FAM118A: variants seen among roughly 807,000 people sequenced by gnomAD.
The protein encoded by FAM118A is protein FAM118A.
Under a neutral mutation model 38.2 loss-of-function variants are expected in FAM118A, and 25 were observed. That is an observed-to-expected ratio of 0.65 (90% CI 0.48 to 0.91). The LOEUF (loss-of-function observed/expected upper bound fraction) is 0.91, where lower values mean the gene tolerates loss of function less well. Among genes scored for constraint, FAM118A ranks in the 40% least tolerant of loss-of-function variants. The pLI, the probability that FAM118A is intolerant of heterozygous loss-of-function variation, is 0.00. For synonymous variants in FAM118A, 178 were observed against 184.1 expected, an observed-to-expected ratio of 0.97 and a Z score of 0.27; for missense variants, 425 against 463.3, an observed-to-expected ratio of 0.92 and a Z score of 0.76.
At chr22:45,331,349 A>G (rs1012832014) in intron 5 of FAM118A, among the ~76,000 whole-genome samples, 8 of 124,828 alleles carry the variant, frequency 6.4e-5, no homozygotes, top group Admixed American at 6.0e-4. Flanking sequence ...ATAAAAGTAA[A>G]TAACACTTCA....
At chr22:45,324,729 T>C (rs988535417) in intron 3 of FAM118A, among the ~76,000 whole-genome samples, 1 of 152,204 alleles carries the variant, frequency 6.6e-6, no homozygotes, top group African/African-American at 2.4e-5. Flanking sequence ...ACAGAGACTT[T>C]CTGGCCCACA....
rs145435446 is a variant in FAM118A at position 45,339,504 on chromosome 22, T to C, written c.1055-882T>C. ...TGATATTGTTTTGGATCAAACTGTT[T>C]GAAATCTTTTTGCAAATATTTGGAT... On this transcript the variant is annotated intron_variant, in intron 8 of 8. Coordinates refer to ENST00000441876, the MANE Select transcript of FAM118A (RefSeq NM_017911.4). Among the ~76,000 whole-genome samples, 76 of 152,350 alleles carry C rather than the reference T, an allele frequency of 5.0e-4. No homozygotes were observed. In the East Asian group the frequency reaches 0.011, roughly 21 times the overall value.
chr22:45,328,404 G>T, intron 4 of FAM118A: 1 of 1,190,280 alleles, frequency 8.4e-7, no homozygotes, highest in Non-Finnish European at 1.3e-6. Context: ...GTGGGCTGGG[G>T]CTGCGGGCAG....
At position 45,340,522 on chromosome 22, in the gene FAM118A, C is replaced by T. The variant is rs1473846206; in HGVS notation, c.*117C>T. 1.6e-6 allele frequency: 2 copies of T among 1,248,946 alleles called. No individual in the cohort carries two copies. Among genetic ancestry groups the T allele is most frequent in the South Asian group, 1.2e-5 (1 of 82,538 alleles). 77.4% of individuals were successfully genotyped at this position (1,248,946 alleles called of 1,614,324 possible). On this transcript the variant is annotated 3_prime_UTR_variant, in exon 9 of 9. Coordinates refer to ENST00000441876, the MANE Select transcript of FAM118A (RefSeq NM_017911.4). ...TCTCTGATTGCGAAACCGTCACATACACCAAGAGAGCCACATGGGCATGTG... is the reference window on the plus strand; with the variant it reads ...TCTCTGATTGCGAAACCGTCACATATACCAAGAGAGCCACATGGGCATGTG...
chr22:45,338,329 A>G (rs1396009281), intron 8 of FAM118A, among the ~76,000 whole-genome samples: 1 of 152,018 alleles, frequency 6.6e-6, no homozygotes, highest in Non-Finnish European at 1.5e-5. Context: ...TCTTGGATTC[A>G]AGCTGTTTTC....
In FAM118A at chr22:45,340,243, A is replaced by G. The variant is rs889862973; in HGVS notation, c.1055-143A>G. The stretch of plus-strand genomic sequence containing the variant: ...ACAAGGTCATTTCCAGACAGTGGCT[A>G]CTGTTTCCATTGTGGAGGGGTTTTC... On this transcript the variant is annotated intron_variant, in intron 8 of 8. Coordinates refer to ENST00000441876, the MANE Select transcript of FAM118A (RefSeq NM_017911.4). 32 of 833,290 alleles carry G rather than the reference A, an allele frequency of 3.8e-5. No homozygotes were observed. The African/African-American group carries it at 4.1e-4, about 11-fold the overall frequency. The allele number at this position is 833,290 out of a possible 1,614,324, so 51.6% of individuals were successfully genotyped here.
At chr22:45,315,756 G>A (rs2084579644) in intron 1 of FAM118A, among the ~76,000 whole-genome samples, 1 of 151,966 alleles carries the variant, frequency 6.6e-6, no homozygotes, top group Non-Finnish European at 1.5e-5. Context: ...GTTTAGAGAG[G>A]TCTACCTGGC....
chr22:45,337,478 G>A (rs2086188906), intron 8 of FAM118A, among the ~76,000 whole-genome samples: 1 of 152,068 alleles, frequency 6.6e-6, no homozygotes, highest in Non-Finnish European at 1.5e-5. Flanking sequence ...AGACATTTGT[G>A]TTACTTCTTA....
chr22:45,310,972 G>C (rs1443189236), intron 1 of FAM118A, among the ~76,000 whole-genome samples: 2 of 152,196 alleles, frequency 1.3e-5, no homozygotes, highest in Admixed American at 1.3e-4. Flanking sequence ...ACTGGAAATA[G>C]AGATGAGACG....
chr22:45,330,361 C>T (rs762912267), intron 4 of FAM118A: 11 of 259,628 alleles, frequency 4.2e-5, no homozygotes, highest in Admixed American at 1.6e-4. Flanking sequence ...GCATGACTGG[C>T]GCTAACAGCC....
upstream of FAM118A, chr22:45,309,804 C>CGGCGGGGCGGGGCGGGGCGG (rs71190659): frequency 2.1e-4 from 32 of 151,134 alleles, no homozygotes; most frequent in East Asian, 2.0e-3. Flanking sequence ...GAGGATCTGG[C>CGGCGGGGCGGGGCGGGGCGG]GGCGGGGCGG....
chr22:45,315,050 T>TC (rs34137926), intron 1 of FAM118A, among the ~76,000 whole-genome samples: 1 of 152,238 alleles, frequency 6.6e-6, no homozygotes, highest in Admixed American at 6.5e-5. Context: ...CTTAGCATTT[T>TC]CCCTTGAATC....
At position 45,330,726 on chromosome 22, in the gene FAM118A, G is replaced by T. The variant is rs756419631; in HGVS notation, c.646G>T (p.Val216Phe). Reference sequence around the variant, plus strand: ...TAAAGACGTCACTCAAGACGCAGAAGTCATGGTACGGCCCGTCCTAATTAG... The same window carrying T: ...TAAAGACGTCACTCAAGACGCAGAATTCATGGTACGGCCCGTCCTAATTAG... ...GYKDVTQDAE[V>F]MEVLQNLYRT... The change falls in exon 5 of 9, where the codon GTC becomes TTC. Residue 216 changes from valine to phenylalanine, a missense_variant. Physicochemically the swap from Val to Phe is conservative, Grantham distance 50. Coordinates refer to ENST00000441876, the MANE Select transcript of FAM118A (RefSeq NM_017911.4). 6.4e-7 allele frequency: 1 copy of T among 1,570,438 alleles called. No homozygotes were observed. The highest frequency in any genetic ancestry group is 1.2e-5 in the South Asian group (1 of 84,596).
At chr22:45,325,986 T>G (rs2085237932) in intron 3 of FAM118A, among the ~76,000 whole-genome samples, 1 of 151,664 alleles carries the variant, frequency 6.6e-6, no homozygotes, top group African/African-American at 2.4e-5. Flanking sequence ...AGGGTTTGGG[T>G]GGTGGGAGAG....
intron 4 of FAM118A, chr22:45,330,354 T>C (rs2085615527): frequency 4.0e-6 from 1 of 250,646 alleles, no homozygotes; most frequent in Non-Finnish European, 7.5e-6. Context: ...GGGACCAGCA[T>C]GACTGGCGCT....
rs1489111062 is a variant in FAM118A, at chr22:45,336,426, C to A, written c.1054+15C>A. 1.2e-6 allele frequency: 2 copies of A among 1,605,364 alleles called. No homozygotes were observed. The highest frequency in any genetic ancestry group is 1.1e-5 in the South Asian group (1 of 90,782). Reference sequence around the variant, plus strand: ...ATCAGATACTGGTATTGTGTCTGTTCTTTTTGTGGGGAGCTGCCTCGGGTC... The same window carrying A: ...ATCAGATACTGGTATTGTGTCTGTTATTTTTGTGGGGAGCTGCCTCGGGTC... On this transcript the variant is annotated intron_variant, in intron 8 of 8. Coordinates refer to ENST00000441876, the MANE Select transcript of FAM118A (RefSeq NM_017911.4).
intron 1 of FAM118A, chr22:45,319,037 C>T (rs2084734465): frequency 6.6e-6 from 1 of 152,146 alleles, no homozygotes; most frequent in East Asian, 1.9e-4. Context: ...TTAAATATAG[C>T]CTGCAAAAGT....
At chr22:45,310,776 T>G (rs1382288342) in intron 1 of FAM118A, among the ~76,000 whole-genome samples, 1 of 152,130 alleles carries the variant, frequency 6.6e-6, no homozygotes, top group African/African-American at 2.4e-5. Flanking sequence ...AATGTTCTGC[T>G]GAGACTCAGG....
Position 45,336,488 on chromosome 22 carries a change from G to A in FAM118A, c.1054+77G>A, listed in dbSNP as rs747583366. 9.4e-5 allele frequency: 107 copies of A among 1,132,348 alleles called. No homozygotes were observed. The Middle Eastern group carries it at 9.9e-4, about 11-fold the overall frequency. 70.1% of individuals were successfully genotyped at this position (1,132,348 alleles called of 1,614,324 possible). ...CAGGCATCTTCAGGGACCGTGCTGCGCTTTAATGCCCCGCGCCCTATGGTG... is the reference window on the plus strand; with the variant it reads ...CAGGCATCTTCAGGGACCGTGCTGCACTTTAATGCCCCGCGCCCTATGGTG... On this transcript the variant is annotated intron_variant, in intron 8 of 8. Transcript: ENST00000441876.
Sources: gnomAD v4.1 joint callset for allele counts (sites outside exome capture counted in the v4.1 genomes callset) on GRCh38, gnomAD v4.1.1 for gene constraint, MANE v1.5 for transcripts, NCBI Gene and HGNC (gene_info 2026-07-23, HGNC 2026-07-21) for gene names.